The following WDR17 variants were observed in gnomAD, a reference collection of about 807,000 sequenced individuals.
The protein encoded by WDR17 is WD repeat domain 17.
A neutral mutation model predicts 161.7 loss-of-function variants in WDR17; 143 were observed. That is an observed-to-expected ratio of 0.88 (90% CI 0.77 to 1.02). The LOEUF (loss-of-function observed/expected upper bound fraction) is 1.02, where lower values mean the gene tolerates loss of function less well. Ranked by LOEUF, WDR17 falls within the 50% of genes least tolerant of loss-of-function variation. WDR17 has a pLI of 0.00. For synonymous variants in WDR17, 517 were observed against 515.6 expected, an observed-to-expected ratio of 1.00 and a Z score of -0.04; for missense variants, 1,469 against 1,520.9, an observed-to-expected ratio of 0.97 and a Z score of 0.57.
At chr4:176,078,343 G>A (rs1177414380) in intron 1 of WDR17, among the ~76,000 whole-genome samples, 1 of 152,094 alleles carries the variant, frequency 6.6e-6, no homozygotes, top group East Asian at 1.9e-4. Flanking sequence ...ACCTGCTCTA[G>A]TTCAGGGACT....
intron 7 of WDR17, among the ~76,000 whole-genome samples, chr4:176,134,205 A>G (rs1744011010): frequency 6.6e-6 from 1 of 151,702 alleles, no homozygotes; most frequent in Admixed American, 6.6e-5. Context: ...TTCTGGTATT[A>G]ATGGAAGTAC....
At chr4:176,104,276 G>A (rs373975138) in intron 1 of WDR17, among the ~76,000 whole-genome samples, 5 of 152,146 alleles carry the variant, frequency 3.3e-5, no homozygotes, top group East Asian at 1.9e-4. Flanking sequence ...AGGAAGTTCT[G>A]CAGGGTGAAA....
chr4:176,171,710 A>G (rs910199497), intron 23 of WDR17, among the ~76,000 whole-genome samples: 2 of 152,190 alleles, frequency 1.3e-5, no homozygotes, highest in African/African-American at 2.4e-5. Context: ...TGCTTAATAC[A>G]TTATAAGGAA....
intron 19 of WDR17, among the ~76,000 whole-genome samples, chr4:176,160,400 C>T (rs1373189969): frequency 1.3e-5 from 2 of 152,196 alleles, no homozygotes; most frequent in Non-Finnish European, 2.9e-5. Flanking sequence ...CAGCTCACCA[C>T]AACCTCCACC....
chr4:176,083,537 T>C (rs758847085), intron 1 of WDR17, among the ~76,000 whole-genome samples: 2 of 152,170 alleles, frequency 1.3e-5, no homozygotes, highest in African/African-American at 4.8e-5. Flanking sequence ...TTGTTACTTA[T>C]TCTCATTATT....
intron 1 of WDR17, among the ~76,000 whole-genome samples, chr4:176,072,934 T>C (rs951712290): frequency 4.6e-5 from 7 of 152,102 alleles, no homozygotes; most frequent in African/African-American, 1.7e-4. Context: ...TATTGATTTT[T>C]CTTACTATTT....
chr4:176,163,012 A>G (rs1749264991), intron 21 of WDR17, 142 bp from the exon 22 acceptor site: 2 of 1,090,482 alleles, frequency 1.8e-6, no homozygotes, highest in East Asian at 5.3e-5. Context: ...TAGCTACTTT[A>G]TAGGAATATT....
chr4:176,107,456 G>A (rs986904972), intron 1 of WDR17, among the ~76,000 whole-genome samples: 4 of 149,258 alleles, frequency 2.7e-5, no homozygotes, highest in Non-Finnish European at 5.9e-5. Context: ...ATTGAAAGCA[G>A]GGTGTGGAAG....
intron 21 of WDR17, 61 bp downstream of exon 21, chr4:176,162,235 G>T: frequency 6.9e-7 from 1 of 1,455,424 alleles, no homozygotes; most frequent in East Asian, 2.3e-5. Flanking sequence ...CATGGTGTTT[G>T]AGAGGAAAAG....
At chr4:176,141,854 C>A in intron 10 of WDR17, 129 bp from the exon 11 acceptor site, 1 of 710,280 alleles carries the variant, frequency 1.4e-6, no homozygotes, top group Non-Finnish European at 2.2e-6. Context: ...TTCAAATGTT[C>A]TTTTTGCTTT....
chr4:176,099,995 T>G (rs1737557485), intron 1 of WDR17, among the ~76,000 whole-genome samples: 1 of 152,180 alleles, frequency 6.6e-6, no homozygotes. Flanking sequence ...TGATAGACAC[T>G]TAAGTTGATT....
chr4:176,130,557 A>G (rs952359443), intron 6 of WDR17, among the ~76,000 whole-genome samples: 3 of 151,792 alleles, frequency 2.0e-5, no homozygotes, highest in Non-Finnish European at 2.9e-5. Context: ...ATCCTGGCTA[A>G]CACAGTGAAA....
chr4:176,114,820 T>G (rs1740336694), intron 2 of WDR17, among the ~76,000 whole-genome samples: 1 of 151,558 alleles, frequency 6.6e-6, no homozygotes, highest in South Asian at 2.1e-4. Flanking sequence ...AACTCAGACC[T>G]CAGTAGGAGA....
At chr4:176,154,143 C>T (rs937678601) in intron 17 of WDR17, among the ~76,000 whole-genome samples, 2 of 152,120 alleles carry the variant, frequency 1.3e-5, no homozygotes, top group Non-Finnish European at 2.9e-5. Flanking sequence ...GCAGGTTCAT[C>T]GATGTACTTA....
intron 22 of WDR17, 58 bp downstream of exon 22, chr4:176,163,351 A>T (rs566736309): frequency 1.3e-6 from 2 of 1,533,576 alleles, no homozygotes; most frequent in South Asian, 2.5e-5. Context: ...TTTTTAAAAC[A>T]TTATAAATTC....
chr4:176,077,155 A>ATTT (rs66817611), intron 1 of WDR17, among the ~76,000 whole-genome samples: 1 of 125,432 alleles, frequency 8.0e-6, no homozygotes, highest in African/African-American at 3.4e-5. Flanking sequence ...TTTTCTCCCA[A>ATTT]TTTTTTTTTT....
At chr4:176,086,980 C>T (rs1400324089) in intron 1 of WDR17, among the ~76,000 whole-genome samples, 2 of 151,752 alleles carry the variant, frequency 1.3e-5, no homozygotes, top group Admixed American at 6.6e-5. Context: ...TTACTTTTAC[C>T]TCTTCTTTAA....
At chr4:176,178,984 G>T (rs908587789) in intron 28 of WDR17, among the ~76,000 whole-genome samples, 1 of 151,992 alleles carries the variant, frequency 6.6e-6, no homozygotes, top group African/African-American at 2.4e-5. Flanking sequence ...TATTTTAAAC[G>T]ATATATACAA....
At chr4:176,150,860 T>G (rs1242723282) in intron 16 of WDR17, among the ~76,000 whole-genome samples, 2 of 152,180 alleles carry the variant, frequency 1.3e-5, no homozygotes, top group Non-Finnish European at 2.9e-5. Flanking sequence ...TTTCCCCTAT[T>G]AGCAGATGAC....
Sources: gnomAD v4.1 joint callset for allele counts (sites outside exome capture counted in the v4.1 genomes callset) on GRCh38, gnomAD v4.1.1 for gene constraint, MANE v1.5 for transcripts, NCBI Gene and HGNC (gene_info 2026-07-23, HGNC 2026-07-21) for gene names.